Variants in RBFOX1 observed in about 807,000 individuals in gnomAD.
RBFOX1 encodes RNA binding fox-1 homolog 1.
Under a neutral mutation model 57.7 loss-of-function variants are expected in RBFOX1, and 8 were observed. That is an observed-to-expected ratio of 0.14 (90% CI 0.08 to 0.25). The LOEUF (loss-of-function observed/expected upper bound fraction) is 0.25. RBFOX1 is among the 10% of genes least tolerant of loss of function. The pLI is 1.00. For missense variants in RBFOX1, 611 were observed against 548.5 expected, an observed-to-expected ratio of 1.11 and a Z score of -1.14; for synonymous variants, 326 against 222.4, an observed-to-expected ratio of 1.47 and a Z score of -4.15.
intron 3 of RBFOX1, among the ~76,000 whole-genome samples, chr16:6,973,583 T>C (rs1369007916): frequency 6.6e-6 from 1 of 152,152 alleles, no homozygotes; most frequent in Non-Finnish European, 1.5e-5. Flanking sequence ...CCCGAGGGGA[T>C]TGTAAATGGT....
At chr16:5,967,174 C>A (rs2059863640) in intron 4 of RBFOX1, among the ~76,000 whole-genome samples, 1 of 152,134 alleles carries the variant, frequency 6.6e-6, no homozygotes. Context: ...CAAATATTTA[C>A]TACTTGACCT....
At chr16:6,606,039 G>C (rs1026401730) in intron 2 of RBFOX1, among the ~76,000 whole-genome samples, 1 of 152,018 alleles carries the variant, frequency 6.6e-6, no homozygotes, top group Non-Finnish European at 1.5e-5. Flanking sequence ...AACCCAGGAG[G>C]TGGAGGTTGC....
At chr16:5,756,558 A>G (rs1567498652) in intron 3 of RBFOX1, among the ~76,000 whole-genome samples, 3 of 152,300 alleles carry the variant, frequency 2.0e-5, no homozygotes, top group South Asian at 4.1e-4. Context: ...TTTGAGGAGT[A>G]ATGAATAAAG....
intron 4 of RBFOX1, among the ~76,000 whole-genome samples, chr16:7,277,948 CAAA>C (rs36027319): frequency 9.7e-5 from 13 of 134,410 alleles, no homozygotes; most frequent in East Asian, 2.1e-4. Context: ...AAATGATTAG[CAAA>C]AAAAAAAAAA....
chr16:7,469,096 G>A (rs1362806350), intron 4 of RBFOX1, among the ~76,000 whole-genome samples: 1 of 152,070 alleles, frequency 6.6e-6, no homozygotes, highest in Non-Finnish European at 1.5e-5. Flanking sequence ...ACCATGCCCG[G>A]CTAATTTTTT....
chr16:7,622,710 G>C (rs931755328), intron 10 of RBFOX1, among the ~76,000 whole-genome samples: 2 of 152,048 alleles, frequency 1.3e-5, no homozygotes, highest in African/African-American at 4.8e-5. Flanking sequence ...GCGCTTCAGG[G>C]CCCCTTTAAA....
intron 1 of RBFOX1, among the ~76,000 whole-genome samples, chr16:5,334,875 T>C (rs569437754): frequency 3.8e-4 from 57 of 151,914 alleles, no homozygotes; most frequent in Non-Finnish European, 7.1e-4. Context: ...CTTAACCTGT[T>C]TCCTGTTTTA....
At chr16:6,265,350 C>T (rs1236019609) in intron 1 of RBFOX1, among the ~76,000 whole-genome samples, 3 of 152,090 alleles carry the variant, frequency 2.0e-5, no homozygotes, top group Non-Finnish European at 4.4e-5. Context: ...CAACCTCTGC[C>T]TCCCAAGTTC....
chr16:7,266,082 C>T (rs560925774), intron 4 of RBFOX1, among the ~76,000 whole-genome samples: 1 of 148,006 alleles, frequency 6.8e-6, no homozygotes, highest in Non-Finnish European at 1.5e-5. Flanking sequence ...TCACGCCATT[C>T]TCCTGCCTCA....
At chr16:5,727,059 G>T (rs2052179388) in intron 3 of RBFOX1, among the ~76,000 whole-genome samples, 1 of 152,154 alleles carries the variant, frequency 6.6e-6, no homozygotes, top group Non-Finnish European at 1.5e-5. Context: ...AGGAGTTTAA[G>T]ACCAGCCTGG....
At position 5,998,128 on chromosome 16, in the gene RBFOX1, G is replaced by C. The variant is rs577388201; in HGVS notation, c.351+130793G>C. On this transcript the variant is annotated intron_variant, in intron 4 of 19. Transcript: ENST00000641259. ...CCCTGTACAGCAGAGTTTCAAGTCT[G>C]TATAAACCTACCAAGTCCCTGTACG... 2.3e-3 allele frequency among the ~76,000 whole-genome samples: 354 copies of C among 152,268 alleles called. 4 individuals carry two copies. The highest frequency in any genetic ancestry group is 3.4e-3 in the Middle Eastern group (1 of 294).
At chr16:5,956,678 A>ATATATATATATATATATTTTTT (rs368096576) in intron 4 of RBFOX1, among the ~76,000 whole-genome samples, 1 of 116,506 alleles carries the variant, frequency 8.6e-6, no homozygotes, top group Non-Finnish European at 1.6e-5. Context: ...ATATATATAT[A>ATATATATATATATATATTTTTT]TTTTTTTTGA....
At position 7,001,044 on chromosome 16, in the gene RBFOX1, C is replaced by A. The variant is rs138583936; in HGVS notation, c.-15-51013C>A. Among the ~76,000 whole-genome samples, 1,078 of 152,244 alleles carry A rather than the reference C, an allele frequency of 7.1e-3. 13 individuals are homozygous for A. Among genetic ancestry groups the A allele is most frequent in the African/African-American group, 0.024 (1,007 of 41,558 alleles). On this transcript the variant is annotated intron_variant, in intron 3 of 15. Transcript: ENST00000550418. The stretch of plus-strand genomic sequence containing the variant: ...TCATTTATTAGATAGAATACTTGTA[C>A]AGAGAAAAATCTTTTACTGATTCTT...
At chr16:7,585,436 A>T (rs545803903) in intron 6 of RBFOX1, among the ~76,000 whole-genome samples, 1 of 152,200 alleles carries the variant, frequency 6.6e-6, no homozygotes, top group Non-Finnish European at 1.5e-5. Context: ...CATGCAAGCA[A>T]TGTGACCCCT....
intron 2 of RBFOX1, among the ~76,000 whole-genome samples, chr16:5,492,174 G>A (rs1284636969): frequency 6.6e-6 from 1 of 152,208 alleles, no homozygotes; most frequent in Non-Finnish European, 1.5e-5. Flanking sequence ...CATGCTCAAA[G>A]TATAAGAACC....
chr16:7,146,175 G>A (rs78080574), intron 4 of RBFOX1, among the ~76,000 whole-genome samples: 2 of 151,994 alleles, frequency 1.3e-5, no homozygotes, highest in East Asian at 1.9e-4. Flanking sequence ...AGCATGAACT[G>A]TTTGGTCCTG....
intron 5 of RBFOX1, among the ~76,000 whole-genome samples, chr16:7,551,496 C>T (rs979386784): frequency 9.2e-5 from 14 of 152,174 alleles, no homozygotes; most frequent in African/African-American, 3.1e-4. Context: ...CAGTAGTGAT[C>T]CAGTCAGCCA....
At chr16:6,306,408 A>G (rs1003241980) in intron 1 of RBFOX1, among the ~76,000 whole-genome samples, 1 of 152,218 alleles carries the variant, frequency 6.6e-6, no homozygotes, top group Non-Finnish European at 1.5e-5. Flanking sequence ...ATGCATCGAA[A>G]GGAATGGAAC....
chr16:7,190,422 C>G (rs1263330564), intron 4 of RBFOX1, among the ~76,000 whole-genome samples: 1 of 152,108 alleles, frequency 6.6e-6, no homozygotes, highest in Non-Finnish European at 1.5e-5. Context: ...TTGTTGTCAG[C>G]CTTTACAAGC....
Sources: allele counts gnomAD v4.1 joint callset (sites outside exome capture counted in the v4.1 genomes callset), GRCh38; gene constraint gnomAD v4.1.1; transcripts MANE v1.5; gene names NCBI Gene and HGNC (gene_info 2026-07-23, HGNC 2026-07-21).